Variants in MYOM3 observed in about 807,000 individuals in gnomAD.
The protein encoded by MYOM3 is myomesin 3.
In MYOM3, 155 loss-of-function variants were observed where a neutral mutation model predicts 191.7. That is an observed-to-expected ratio of 0.81 (90% CI 0.71 to 0.92). The LOEUF (loss-of-function observed/expected upper bound fraction) is 0.92. Among genes scored for constraint, MYOM3 ranks in the 40% least tolerant of loss-of-function variants. The probability of loss-of-function intolerance (pLI) is 0.00; values close to 1 mark genes in which losing one functional copy is unlikely to be tolerated. For synonymous variants in MYOM3, 757 were observed against 762.9 expected, an observed-to-expected ratio of 0.99 and a Z score of 0.13; for missense variants, 1,889 against 1,890.6, an observed-to-expected ratio of 1.00 and a Z score of 0.02.
Position 24,068,077 on chromosome 1 carries a change from T to G in MYOM3, c.3296-48A>C, listed in dbSNP as rs373779956. 92 of 1,605,922 alleles carry G rather than the reference T, an allele frequency of 5.7e-5. 2 individuals are homozygous for G. The African/African-American group carries it at 1.2e-3, about 20-fold the overall frequency. On this transcript the variant is annotated intron_variant, in intron 26 of 36. Coordinates refer to ENST00000374434, the MANE Select transcript of MYOM3 (RefSeq NM_152372.4). ...TGGCATGAGCCGAGAGGAGTGTGGG[T>G]CTGGAGAGGGGACATGGGGTGGACA...
At chr1:24,099,104 C>T (rs1287522393) in intron 6 of MYOM3, among the ~76,000 whole-genome samples, 1 of 152,116 alleles carries the variant, frequency 6.6e-6, no homozygotes, top group Non-Finnish European at 1.5e-5. Flanking sequence ...TTGGGGAGGA[C>T]TGCACTCTTA....
At position 24,061,269 on chromosome 1, in the gene MYOM3, T is replaced by C; in HGVS notation, c.3971+4A>G. 6 of 1,614,048 alleles carry C rather than the reference T, an allele frequency of 3.7e-6. No individual in the cohort carries two copies. Among genetic ancestry groups the C allele is most frequent in the Non-Finnish European group, 5.1e-6 (6 of 1,179,978 alleles). ...TCACACTGAGAAATGTAGAGGAAAC[T>C]TACTTCAGTCTCTGGTGTTCAGCCA... On this transcript the variant is annotated splice_donor_region_variant and intron_variant, in intron 34 of 36. Coordinates refer to ENST00000374434, the MANE Select transcript of MYOM3 (RefSeq NM_152372.4).
chr1:24,082,500 A>C, intron 17 of MYOM3, 93 bp downstream of exon 17: 1 of 1,453,620 alleles, frequency 6.9e-7, no homozygotes, highest in Non-Finnish European at 9.1e-7. Context: ...GCCACTGGCC[A>C]CCAGGACTGG....
At chr1:24,103,284 G>A (rs757508564) in intron 5 of MYOM3, among the ~76,000 whole-genome samples, 2 of 152,198 alleles carry the variant, frequency 1.3e-5, no homozygotes, top group African/African-American at 2.4e-5. Context: ...ACTTGCGTGC[G>A]GGGATCGCCC....
intron 11 of MYOM3, 30 bp downstream of exon 11, chr1:24,092,144 G>A (rs762130233): frequency 1.4e-6 from 2 of 1,429,630 alleles, no homozygotes; most frequent in Non-Finnish European, 1.8e-6. Flanking sequence ...TCTACCCCTA[G>A]GGCCTCTGCC....
At position 24,065,915 on chromosome 1, in the gene MYOM3, TC is replaced by T. The variant is rs1291541368; in HGVS notation, c.3509del (p.Gly1170GlufsTer58). 3.1e-6 allele frequency: 5 copies of T among 1,613,050 alleles called. No individual in the cohort carries two copies. Among genetic ancestry groups the T allele is most frequent in the Admixed American group, 1.7e-5 (1 of 60,032 alleles). On this transcript the variant is annotated frameshift_variant, in exon 29 of 37. Transcript: ENST00000374434. LOFTEE classifies it high-confidence loss of function. ...MPDGQYDPET[G>X]TGLLCIEELS... ...CCTCTTCAATGCAGAGAAGTCCCGT[TC>T]CCGTCTCTGGGTCATACTGACCATC...
intron 16 of MYOM3, 108 bp from the exon 17 acceptor site, chr1:24,082,822 T>C: frequency 7.2e-7 from 1 of 1,380,376 alleles, no homozygotes; most frequent in Non-Finnish European, 9.6e-7. Flanking sequence ...TGGTAGAATT[T>C]GAAGGTTCAG....
At chr1:24,096,762 G>A (rs1011979143) in intron 7 of MYOM3, among the ~76,000 whole-genome samples, 1 of 146,106 alleles carries the variant, frequency 6.8e-6, no homozygotes, top group African/African-American at 2.5e-5. Context: ...GTGTGCACAC[G>A]TGGGCTTCTC....
In MYOM3 at chr1:24,097,610, G is replaced by A. The variant is rs184169882; in HGVS notation, c.745+313C>T. On this transcript the variant is annotated intron_variant, in intron 7 of 36. Transcript: ENST00000374434. ...AATCAGGTACTATCAAGGGTGTCTG[G>A]CACACAGTGAAGACTCAGGAGAGGT... Among the ~76,000 whole-genome samples the A allele has an allele frequency of 2.0e-5, 3 of 152,292 alleles. No homozygotes were observed. The East Asian group carries it at 5.8e-4, about 29-fold the overall frequency.
At position 24,082,013 on chromosome 1, in the gene MYOM3, G is replaced by C. The variant is rs569841128; in HGVS notation, c.2268C>G (p.Thr756=). The change falls in exon 18 of 37, where the codon ACC becomes ACG. Residue 756 remains threonine, a synonymous_variant. Transcript: ENST00000374434. ...WHAVNQQPIP[T]RVCKVSDLHE... ...CTTCCAGCCCTACCTTGCAGACCCGGGTGGGGATGGGCTGCTGATTGACCG... is the reference window on the plus strand; with the variant it reads ...CTTCCAGCCCTACCTTGCAGACCCGCGTGGGGATGGGCTGCTGATTGACCG... The C allele has an allele frequency of 6.2e-7, 1 of 1,610,338 alleles. No individual in the cohort carries two copies. Among genetic ancestry groups the C allele is most frequent in the South Asian group, 1.1e-5 (1 of 90,562 alleles).
At position 24,101,753 on chromosome 1, in the gene MYOM3, A is replaced by G. The variant is rs570587524; in HGVS notation, c.561-1978T>C. Reference sequence around the variant, plus strand: ...GGTGATAGAGCAAGACCCTGTCTCAAAAAAAAAATTTGTTTTTCTTAATGT... The same window carrying G: ...GGTGATAGAGCAAGACCCTGTCTCAGAAAAAAAATTTGTTTTTCTTAATGT... On this transcript the variant is annotated intron_variant, in intron 5 of 36. Transcript: ENST00000374434. Among the ~76,000 whole-genome samples the G allele has an allele frequency of 2.6e-5, 4 of 151,450 alleles. No homozygotes were observed. The East Asian group carries it at 7.7e-4, about 29-fold the overall frequency.
In MYOM3 at chr1:24,061,081, T is replaced by G. The variant is rs765843880; in HGVS notation, c.3973A>C (p.Thr1325Pro). 5.6e-6 allele frequency: 9 copies of G among 1,613,890 alleles called. No individual in the cohort carries two copies. The highest frequency in any genetic ancestry group is 6.8e-6 in the Non-Finnish European group (8 of 1,179,998). ...DAMAEHQRLKTLAIIEKNRAK... is the reference protein window; with the variant it reads ...DAMAEHQRLKPLAIIEKNRAK... ...TTACTCTTCTCGATGATGGCCAAGG[T>G]TCTGAAAAACAGAAATGGGAACAAG... is the stretch of plus-strand genomic sequence containing the variant. Residue 1325 changes from threonine to proline, a missense_variant and splice_region_variant, in exon 35 of 37, where the codon ACC becomes CCC. Physicochemically the swap from Thr to Pro is conservative, Grantham distance 38. Coordinates refer to ENST00000374434, the MANE Select transcript of MYOM3 (RefSeq NM_152372.4).
At chr1:24,084,366 G>T in intron 16 of MYOM3, 102 bp downstream of exon 16, 1 of 1,339,260 alleles carries the variant, frequency 7.5e-7, no homozygotes, top group Non-Finnish European at 1.1e-6. Context: ...TCGCAGAACT[G>T]TGAGCTGATT....
chr1:24,079,367 T>A (rs1222948410), intron 20 of MYOM3, among the ~76,000 whole-genome samples: 1 of 56,638 alleles, frequency 1.8e-5, no homozygotes, highest in African/African-American at 5.0e-5. Flanking sequence ...CACCTGGCTA[T>A]TTTTTTTTTT....
chr1:24,060,518 C>G (rs1643357594), intron 35 of MYOM3, among the ~76,000 whole-genome samples: 1 of 152,206 alleles, frequency 6.6e-6, no homozygotes, highest in Non-Finnish European at 1.5e-5. Context: ...ATCCTTACTC[C>G]TCATCTGCTG....
At chr1:24,081,486 C>G in intron 18 of MYOM3, 30 bp from the exon 19 acceptor site, 1 of 1,607,814 alleles carries the variant, frequency 6.2e-7, no homozygotes, top group Non-Finnish European at 8.5e-7. Context: ...AACTATGAGG[C>G]TGAGGCTGGA....
chr1:24,076,599 C>T (rs1643604180), intron 20 of MYOM3, among the ~76,000 whole-genome samples: 1 of 87,854 alleles, frequency 1.1e-5, no homozygotes, highest in Non-Finnish European at 2.5e-5. Flanking sequence ...TTGCAAGCTC[C>T]ACCTCCCGGG....
chr1:24,074,069 C>G, intron 23 of MYOM3, 91 bp downstream of exon 23: 1 of 936,784 alleles, frequency 1.1e-6, no homozygotes, highest in Non-Finnish European at 1.7e-6. Flanking sequence ...CCACTTTACT[C>G]ATTTTGGTTG....
intron 20 of MYOM3, among the ~76,000 whole-genome samples, chr1:24,077,336 C>T (rs935296897): frequency 6.6e-6 from 1 of 152,196 alleles, no homozygotes; most frequent in African/African-American, 2.4e-5. Context: ...ATTTCGAGGT[C>T]GAGTACCTAT....
Sources: gnomAD v4.1 joint callset for allele counts (sites outside exome capture counted in the v4.1 genomes callset) on GRCh38, gnomAD v4.1.1 for gene constraint, MANE v1.5 for transcripts, NCBI Gene and HGNC (gene_info 2026-07-23, HGNC 2026-07-21) for gene names.